Variants in ASF1B observed in about 807,000 individuals in gnomAD.
ASF1B encodes histone chaperone ASF1B.
A neutral mutation model predicts 16.6 loss-of-function variants in ASF1B; 10 were observed. That is an observed-to-expected ratio of 0.60 (90% confidence interval 0.37 to 1.02). The LOEUF (loss-of-function observed/expected upper bound fraction) is 1.02. Ranked by LOEUF, ASF1B falls within the 50% of genes least tolerant of loss-of-function variation. The pLI is 0.01. For missense variants in ASF1B, 240 were observed against 266.0 expected (o/e 0.90, Z 0.68); for synonymous variants, 101 against 106.2 (o/e 0.95, Z 0.30).
At chr19:14,134,301 G>A (rs1317412169) in intron 1 of ASF1B, among the ~76,000 whole-genome samples, 1 of 151,484 alleles carries the variant, frequency 6.6e-6, no homozygotes, top group African/African-American at 2.4e-5. Context: ...GATTTAACTC[G>A]GCATATTCTA....
At chr19:14,122,011 AC>A (rs1267899397) in intron 2 of ASF1B, among the ~76,000 whole-genome samples, 1 of 148,214 alleles carries the variant, frequency 6.7e-6, no homozygotes, top group Non-Finnish European at 1.5e-5. Context: ...GCTCACTGCA[AC>A]CTCCGCCTCA....
At chr19:14,131,485 CTTTT>C (rs759033830) in intron 1 of ASF1B, among the ~76,000 whole-genome samples, 1 of 126,448 alleles carries the variant, frequency 7.9e-6, no homozygotes, top group East Asian at 2.3e-4. Context: ...CTGGCTTTTT[CTTTT>C]TTTTTTTTTT....
chr19:14,126,914 CTATTT>C lies in ASF1B; in HGVS notation c.110-682_110-678del, dbSNP rs201568883. On this transcript the variant is annotated intron_variant, in intron 1 of 3. Coordinates refer to ENST00000263382, the MANE Select transcript of ASF1B (RefSeq NM_018154.3). ...GAGCCACTGCGCCCGGCCACATCTT[CTATTT>C]TATTTTTATTTACTTATTTTTTGAG... is the stretch of plus-strand genomic sequence containing the variant. 6.9e-3 allele frequency among the ~76,000 whole-genome samples: 1,050 copies of C among 152,220 alleles called. 18 individuals carry two copies. The highest frequency in any genetic ancestry group is 0.024 in the African/African-American group (1,011 of 41,536).
At chr19:14,120,810 T>TATTC in intron 3 of ASF1B, 145 bp from the exon 4 acceptor site, 2 of 586,822 alleles carry the variant, frequency 3.4e-6, no homozygotes, top group Non-Finnish European at 5.9e-6. Context: ...GCCAGGACCT[T>TATTC]ATTTATTTAT....
chr19:14,135,621 G>C (rs1035668303), intron 1 of ASF1B, among the ~76,000 whole-genome samples: 1 of 152,014 alleles, frequency 6.6e-6, no homozygotes, highest in Non-Finnish European at 1.5e-5. Context: ...ATGGGGTTGA[G>C]AGAGGTCCTG....
At chr19:14,127,551 C>G (rs1462017745) in intron 1 of ASF1B, among the ~76,000 whole-genome samples, 1 of 152,186 alleles carries the variant, frequency 6.6e-6, no homozygotes, top group African/African-American at 2.4e-5. Context: ...GCCAGCCACC[C>G]TGGTCTTCCA....
At chr19:14,133,493 C>A (rs1220240459) in intron 1 of ASF1B, among the ~76,000 whole-genome samples, 1 of 152,020 alleles carries the variant, frequency 6.6e-6, no homozygotes, top group Non-Finnish European at 1.5e-5. Flanking sequence ...GATGGTGAAA[C>A]CCCGTCTCTA....
chr19:14,136,234 G>A (rs1967496367), intron 1 of ASF1B, 114 bp downstream of exon 1: 1 of 813,414 alleles, frequency 1.2e-6, no homozygotes, highest in African/African-American at 1.7e-5. Flanking sequence ...CGGGGTTGGC[G>A]GAAGGGGGAC....
intron 1 of ASF1B, among the ~76,000 whole-genome samples, chr19:14,127,779 G>A (rs1435253967): frequency 6.6e-6 from 1 of 152,114 alleles, no homozygotes; most frequent in Non-Finnish European, 1.5e-5. Flanking sequence ...TGGGATTATA[G>A]GCGCCCGCCA....
rs750826846 is a variant in ASF1B, at chr19:14,136,385, G to T, written c.72C>A (p.Phe24Leu). 2 of 1,613,556 alleles carry T rather than the reference G, an allele frequency of 1.2e-6. No homozygotes were observed. Among genetic ancestry groups the T allele is most frequent in the Non-Finnish European group, 1.7e-6 (2 of 1,179,602 alleles). ...NPSPFHSPFR[F>L]EISFECSEAL... ...CTTCACTGCACTCGAAGCTGATCTC[G>T]AACCGGAAGGGGCTGTGGAAAGGGC... Residue 24 changes from phenylalanine (F) to leucine (L), a missense_variant, in exon 1 of 4, where the codon TTC (phenylalanine) becomes TTA (leucine). Coordinates refer to ENST00000263382, the MANE Select transcript of ASF1B (RefSeq NM_018154.3).
Position 14,136,489 on chromosome 19 carries a change from G to A in ASF1B, c.-33C>T. 2 of 1,598,490 alleles carry A rather than the reference G, an allele frequency of 1.3e-6. No individual in the cohort carries two copies. The highest frequency in any genetic ancestry group is 8.6e-7 in the Non-Finnish European group (1 of 1,169,064). ...CCTCGCCGCGCCGCAGCAGGGGCAG[G>A]GGCTGTGGCTGTGGCGGAGGCCGCG... On this transcript the variant is annotated 5_prime_UTR_variant, in exon 1 of 4. Coordinates refer to ENST00000263382, the MANE Select transcript of ASF1B (RefSeq NM_018154.3).
rs1967232760 is a variant in ASF1B at position 14,121,302 on chromosome 19, G to C, written c.402+230C>G. On this transcript the variant is annotated intron_variant, in intron 3 of 3. Coordinates refer to ENST00000263382, the MANE Select transcript of ASF1B (RefSeq NM_018154.3). ...TTTTTTTTTTTTTTTTTTTTGCGGG[G>C]GTTAGGGACAGGGTCTCACTATGTT... The C allele has an allele frequency of 6.7e-6, 3 of 444,718 alleles. No homozygotes were observed. In the Admixed American group the frequency reaches 1.2e-4, roughly 18 times the overall value. The allele number at this position is 444,718 out of a possible 1,614,324, so 27.5% of individuals were successfully genotyped here.
intron 2 of ASF1B, among the ~76,000 whole-genome samples, chr19:14,123,783 C>A (rs1391975628): frequency 1.3e-5 from 2 of 148,762 alleles, no homozygotes; most frequent in Non-Finnish European, 3.0e-5. Flanking sequence ...CTCAAGCGAG[C>A]CTATTTTTTT....
chr19:14,121,750 T>G (rs200837374), intron 2 of ASF1B, 42 bp from the exon 3 acceptor site: 3 of 1,538,334 alleles, frequency 2.0e-6, no homozygotes, highest in African/African-American at 2.7e-5. Flanking sequence ...GCCACAGCCA[T>G]GCCTCGATGT....
At chr19:14,127,336 C>A (rs142166235) in intron 1 of ASF1B, among the ~76,000 whole-genome samples, 2 of 152,312 alleles carry the variant, frequency 1.3e-5, no homozygotes, top group African/African-American at 4.8e-5. Flanking sequence ...GTGACACAGA[C>A]GTGCTGAGAA....
At chr19:14,125,682 A>G (rs1343395489) in intron 2 of ASF1B, among the ~76,000 whole-genome samples, 1 of 151,846 alleles carries the variant, frequency 6.6e-6, no homozygotes, top group Non-Finnish European at 1.5e-5. Context: ...CCTCCCAAGT[A>G]TCTGAGACTA....
rs926487333 is a variant in ASF1B, at chr19:14,136,488, G to A, written c.-32C>T. On this transcript the variant is annotated 5_prime_UTR_variant, in exon 1 of 4. Transcript: ENST00000263382. ...GCCTCGCCGCGCCGCAGCAGGGGCA[G>A]GGGCTGTGGCTGTGGCGGAGGCCGC... 10 of 1,603,422 alleles carry A rather than the reference G, an allele frequency of 6.2e-6. No homozygotes were observed. The Middle Eastern group carries it at 6.6e-4, about 106-fold the overall frequency.
At chr19:14,136,280 G>T in intron 1 of ASF1B, 68 bp downstream of exon 1, 1 of 1,393,002 alleles carries the variant, frequency 7.2e-7, no homozygotes, top group Non-Finnish European at 1.0e-6. Context: ...TTGGCCATGG[G>T]AGCGGTTCTC....
At chr19:14,123,200 G>A (rs185177692) in intron 2 of ASF1B, among the ~76,000 whole-genome samples, 2 of 152,260 alleles carry the variant, frequency 1.3e-5, no homozygotes, top group East Asian at 1.9e-4. Context: ...AGTCCTGACT[G>A]TTGAGTAGAT....
Sources: gnomAD v4.1 joint callset for allele counts (sites outside exome capture counted in the v4.1 genomes callset) on GRCh38, gnomAD v4.1.1 for gene constraint, MANE v1.5 for transcripts, NCBI Gene and HGNC (gene_info 2026-07-23, HGNC 2026-07-21) for gene names.